The following TLN2 variants were observed in gnomAD, a reference collection of about 807,000 sequenced individuals.
The protein encoded by TLN2 is talin 2, also known as talin-2.
A neutral mutation model predicts 294.7 loss-of-function variants in TLN2; 118 were observed. The ratio of observed to expected loss-of-function variants is 0.40; its 90% CI spans 0.34 to 0.47. The LOEUF (loss-of-function observed/expected upper bound fraction) is 0.47, where lower values mean the gene tolerates loss of function less well. Ranked by LOEUF, TLN2 falls within the 20% of genes least tolerant of loss-of-function variation. TLN2 has a pLI of 0.84. For synonymous variants in TLN2, 1,431 were observed against 1,304.5 expected (o/e 1.10, Z -2.09); for missense variants, 3,083 against 3,282.2 (o/e 0.94, Z 1.48).
At chr15:62,650,526 C>A (rs1019367931) in intron 5 of TLN2, among the ~76,000 whole-genome samples, 1 of 152,064 alleles carries the variant, frequency 6.6e-6, no homozygotes, top group Non-Finnish European at 1.5e-5. Context: ...GAGGGAAAAA[C>A]GAAATGTAAC....
intron 8 of TLN2, among the ~76,000 whole-genome samples, chr15:62,656,970 G>C (rs1192484017): frequency 6.6e-6 from 1 of 152,182 alleles, no homozygotes; most frequent in African/African-American, 2.4e-5. Context: ...CCTGACCCCT[G>C]AGTTAGTGGA....
intron 1 of TLN2, among the ~76,000 whole-genome samples, chr15:62,549,709 C>A (rs1456414719): frequency 6.6e-6 from 1 of 152,110 alleles, no homozygotes; most frequent in Non-Finnish European, 1.5e-5. Flanking sequence ...TTTCTCTCAA[C>A]CGGAGGTGTC....
intron 40 of TLN2, among the ~76,000 whole-genome samples, chr15:62,765,551 A>G (rs141496971): frequency 3.6e-4 from 55 of 152,138 alleles, no homozygotes; most frequent in Middle Eastern, 3.4e-3. Flanking sequence ...TGATGCATTA[A>G]TCCTGTATCT....
At chr15:62,504,846 T>A (rs28393136) in intron 1 of TLN2, among the ~76,000 whole-genome samples, 18,657 of 144,218 alleles carry the variant, frequency 0.13, 1,361 homozygotes, top group African/African-American at 0.18. Context: ...TGTGTGTGTG[T>A]GAGAGAGAGA....
intron 22 of TLN2, among the ~76,000 whole-genome samples, chr15:62,714,872 G>A (rs2059669895): frequency 6.6e-6 from 1 of 152,170 alleles, no homozygotes; most frequent in African/African-American, 2.4e-5. Flanking sequence ...AGGACCCAAA[G>A]CATCCACATC....
In TLN2 at chr15:62,840,634, C is replaced by T. The variant is rs370666400; in HGVS notation, c.*24C>T. On this transcript the variant is annotated 3_prime_UTR_variant, in exon 59 of 59. Coordinates refer to ENST00000636159, the MANE Select transcript of TLN2 (RefSeq NM_015059.3). ...AAAGGTGCGAGCCCAGATGGCGAGC[C>T]CCAGGGGATGGCCCTGGCTGAACTG... 5.0e-6 allele frequency: 8 copies of T among 1,610,764 alleles called. No individual in the cohort carries two copies. The Admixed American group carries it at 8.4e-5, about 17-fold the overall frequency.
chr15:62,546,051 T>G (rs1244002551), intron 1 of TLN2, among the ~76,000 whole-genome samples: 1 of 152,078 alleles, frequency 6.6e-6, no homozygotes, highest in Non-Finnish European at 1.5e-5. Flanking sequence ...TCTTGGAAAC[T>G]TGATGAAGTG....
chr15:62,720,502 C>T (rs775635725), intron 25 of TLN2, among the ~76,000 whole-genome samples: 15 of 152,072 alleles, frequency 9.9e-5, no homozygotes, highest in Non-Finnish European at 1.9e-4. Context: ...ATTCCTCATC[C>T]CTTTCTAGTT....
At chr15:62,783,210 A>G (rs775384937) in intron 44 of TLN2, among the ~76,000 whole-genome samples, 3 of 152,238 alleles carry the variant, frequency 2.0e-5, no homozygotes, top group Non-Finnish European at 4.4e-5. Flanking sequence ...GTTTTCCTCT[A>G]AAACACTGAC....
intron 58 of TLN2, 75 bp downstream of exon 58, chr15:62,839,056 G>T: frequency 6.5e-7 from 1 of 1,544,486 alleles, no homozygotes; most frequent in Non-Finnish European, 8.8e-7. Context: ...AAAGAATAGT[G>T]ACTTCAAGAT....
chr15:62,408,992 G>T lies in TLN2; in HGVS notation c.-238+18307G>T, dbSNP rs368532804. Among the ~76,000 whole-genome samples the T allele has an allele frequency of 1.1e-3, 173 of 151,070 alleles. 1 individual carries two copies. The highest frequency in any genetic ancestry group is 6.8e-3 in the Middle Eastern group (2 of 294). ...TTACTTATTTATTTATTTATTTTTT[G>T]GGGGGTACAGGGTCTCACTCTGTCT... is the stretch of plus-strand genomic sequence containing the variant. On this transcript the variant is annotated intron_variant, in intron 1 of 58. Transcript: ENST00000636159.
At chr15:62,499,086 A>AT (rs2039166515) in intron 1 of TLN2, among the ~76,000 whole-genome samples, 3 of 152,006 alleles carry the variant, frequency 2.0e-5, no homozygotes, top group African/African-American at 7.3e-5. Context: ...TTGATGACAG[A>AT]ATTTTTTTTT....
At chr15:62,802,405 C>A (rs1276349347) in intron 50 of TLN2, among the ~76,000 whole-genome samples, 1 of 114,344 alleles carries the variant, frequency 8.7e-6, no homozygotes, top group Admixed American at 9.2e-5. Context: ...CACACATATA[C>A]AATGGTACAC....
At chr15:62,610,016 T>A (rs1222449471) in intron 2 of TLN2, among the ~76,000 whole-genome samples, 2 of 152,218 alleles carry the variant, frequency 1.3e-5, no homozygotes, top group Non-Finnish European at 2.9e-5. Flanking sequence ...TACTTTCTGG[T>A]ATAATAAGAC....
chr15:62,822,734 A>G (rs2141211308), intron 54 of TLN2, among the ~76,000 whole-genome samples: 1 of 152,344 alleles, frequency 6.6e-6, no homozygotes, highest in African/African-American at 2.4e-5. Context: ...TTATGCAGCT[A>G]TGAAAAATAA....
intron 32 of TLN2, among the ~76,000 whole-genome samples, chr15:62,742,002 C>T (rs2061355994): frequency 2.4e-4 from 1 of 4,100 alleles, no homozygotes; most frequent in Non-Finnish European, 9.1e-3. Context: ...ACATGTCCTT[C>T]CTCCCTCTTG....
intron 1 of TLN2, among the ~76,000 whole-genome samples, chr15:62,537,440 A>G (rs1401238047): frequency 6.6e-6 from 1 of 152,234 alleles, no homozygotes; most frequent in Non-Finnish European, 1.5e-5. Context: ...TACTTAGTCC[A>G]GAAGCCAAAC....
chr15:62,421,682 G>A (rs1792273448), intron 1 of TLN2, among the ~76,000 whole-genome samples: 1 of 151,956 alleles, frequency 6.6e-6, no homozygotes, highest in African/African-American at 2.4e-5. Flanking sequence ...GGAGGGTAGG[G>A]GGTGGGGGGA....
chr15:62,805,578 CCT>C lies in TLN2; in HGVS notation c.6478-17_6478-16del, dbSNP rs747070066. On this transcript the variant is annotated intron_variant, in intron 50 of 58. Transcript: ENST00000636159. The stretch of plus-strand genomic sequence containing the variant: ...TTCGTTTCCTTTTTGATTTTTTTAA[CCT>C]CTCTGTTTCTGACTTCCAGGTGTTC... The C allele has an allele frequency of 1.9e-6, 3 of 1,563,610 alleles. No individual in the cohort carries two copies. The highest frequency in any genetic ancestry group is 2.3e-5 in the East Asian group (1 of 43,972).
Sources: allele counts gnomAD v4.1 joint callset (sites outside exome capture counted in the v4.1 genomes callset), GRCh38; gene constraint gnomAD v4.1.1; transcripts MANE v1.5; gene names NCBI Gene and HGNC (gene_info 2026-07-23, HGNC 2026-07-21).